Variants in KIF1A observed in about 807,000 individuals in gnomAD.
KIF1A encodes kinesin-like protein KIF1A.
KIF1A carries 46 observed loss-of-function variants against 227.3 expected under a neutral mutation model. The observed-to-expected ratio is 0.20, with a 90% confidence interval of 0.16 to 0.26. The LOEUF (loss-of-function observed/expected upper bound fraction) is 0.26, where lower values mean the gene tolerates loss of function less well. Among genes scored for constraint, KIF1A ranks in the 10% least tolerant of loss-of-function variants. The pLI is 1.00. For missense variants in KIF1A, 1,683 were observed against 2,485.9 expected (o/e 0.68, Z 6.87); for synonymous variants, 1,022 against 1,012.8 (o/e 1.01, Z -0.17).
chr2:240,763,063 G>C lies in KIF1A; in HGVS notation c.1978C>G (p.Arg660Gly), dbSNP rs755461108. The change falls in exon 22 of 49, where the codon CGC becomes GGC. Residue 660 changes from arginine to glycine, a missense_variant. By Grantham distance (125) the Arg-to-Gly change is moderately radical. Coordinates refer to ENST00000498729, the MANE Select transcript of KIF1A (RefSeq NM_001244008.2). Reference sequence around the variant, plus strand: ...AGGTAGGTGGCCTCCTCCCGCTCGCGGCGGTACTGGTCCTCCAGTTCCTGG... The same window carrying C: ...AGGTAGGTGGCCTCCTCCCGCTCGCCGCGGTACTGGTCCTCCAGTTCCTGG... Reference protein sequence around the residue: ...RLQELEDQYRREREEATYLLE... With the variant: ...RLQELEDQYRGEREEATYLLE... 2.6e-6 allele frequency: 4 copies of C among 1,560,600 alleles called. No individual in the cohort carries two copies. The highest frequency in any genetic ancestry group is 3.5e-6 in the Non-Finnish European group (4 of 1,155,278).
intron 9 of KIF1A, 147 bp downstream of exon 9, chr2:240,782,897 C>T: frequency 1.4e-6 from 1 of 739,720 alleles, no homozygotes. Flanking sequence ...CCTTCTCCAG[C>T]ATGTGACACT....
In KIF1A at chr2:240,813,417, C is replaced by G. The variant is rs1030715575; in HGVS notation, c.-61+6705G>C. 2.6e-5 allele frequency among the ~76,000 whole-genome samples: 4 copies of G among 152,314 alleles called. No homozygotes were observed. In the South Asian group the frequency reaches 8.3e-4, roughly 32 times the overall value. Reference sequence around the variant, plus strand: ...AGGGGCTCAGGCATGGGAACTCAGGCACCTGGTGGAAGGCAGGGGTGAGAA... The same window carrying G: ...AGGGGCTCAGGCATGGGAACTCAGGGACCTGGTGGAAGGCAGGGGTGAGAA... On this transcript the variant is annotated intron_variant, in intron 1 of 48. Coordinates refer to ENST00000498729, the MANE Select transcript of KIF1A (RefSeq NM_001244008.2).
chr2:240,794,799 C>T (rs182711982), intron 2 of KIF1A, among the ~76,000 whole-genome samples: 3 of 152,316 alleles, frequency 2.0e-5, no homozygotes, highest in East Asian at 3.9e-4. Context: ...CACAACCTGC[C>T]TTTTGCTTGC....
intron 2 of KIF1A, among the ~76,000 whole-genome samples, chr2:240,796,067 A>T (rs1284103398): frequency 6.6e-6 from 1 of 152,164 alleles, no homozygotes; most frequent in African/African-American, 2.4e-5. Flanking sequence ...CCTTACAATG[A>T]CACAGCAAAG....
Position 240,807,076 on chromosome 2 carries a change from ATATGTG to A in KIF1A, c.-60-9270_-60-9265del, listed in dbSNP as rs1188956754. On this transcript the variant is annotated intron_variant, in intron 1 of 48. Coordinates refer to ENST00000498729, the MANE Select transcript of KIF1A (RefSeq NM_001244008.2). Reference sequence around the variant, plus strand: ...GCATTTGACCTACACATCCTCATATATATGTGTGTGTGTGTGTGTGTGTGTGTGTGT... The same window carrying A: ...GCATTTGACCTACACATCCTCATATATGTGTGTGTGTGTGTGTGTGTGTGT... Among the ~76,000 whole-genome samples, 315 of 73,006 alleles carry A rather than the reference ATATGTG, an allele frequency of 4.3e-3. 2 individuals are homozygous for A. The highest frequency in any genetic ancestry group is 0.023 in the African/African-American group (295 of 12,812). 47.9% of individuals were successfully genotyped at this position (73,006 alleles called of 152,430 possible).
At chr2:240,750,609 G>T in intron 27 of KIF1A, 62 bp from the exon 28 acceptor site, 7 of 1,231,158 alleles carry the variant, frequency 5.7e-6, no homozygotes, top group South Asian at 3.8e-5. Context: ...GAACGGCAGC[G>T]GTGGCAGCAT....
At chr2:240,769,345 C>T in intron 16 of KIF1A, 137 bp from the exon 17 acceptor site, 1 of 733,148 alleles carries the variant, frequency 1.4e-6, no homozygotes, top group East Asian at 2.7e-5. Flanking sequence ...CATCTGGTCA[C>T]TGGGTTAGGG....
chr2:240,816,812 G>A (rs1309665434), intron 1 of KIF1A, among the ~76,000 whole-genome samples: 2 of 152,232 alleles, frequency 1.3e-5, no homozygotes, highest in African/African-American at 2.4e-5. Flanking sequence ...GGCAGGATGG[G>A]CTGGCAAGGA....
chr2:240,735,690 G>A (rs78871545), intron 38 of KIF1A, among the ~76,000 whole-genome samples: 5,690 of 152,198 alleles, frequency 0.037, 384 homozygotes, highest in African/African-American at 0.13. Flanking sequence ...GGCAGCGCCC[G>A]TGCTGGGGGC....
At chr2:240,804,092 C>A in intron 1 of KIF1A, among the ~76,000 whole-genome samples, 1 of 152,154 alleles carries the variant, frequency 6.6e-6, no homozygotes, top group South Asian at 2.1e-4. Flanking sequence ...ACGGTGAAAC[C>A]CCATCTCTAC....
chr2:240,724,174 C>A, intron 40 of KIF1A, 138 bp from the exon 41 acceptor site: 2 of 749,126 alleles, frequency 2.7e-6, no homozygotes, highest in East Asian at 2.6e-5. Flanking sequence ...GGTCCCTGAG[C>A]TACAGCCCCT....
intron 10 of KIF1A, chr2:240,781,826 T>A (rs1306375226): frequency 2.0e-6 from 2 of 985,056 alleles, no homozygotes; most frequent in Admixed American, 1.2e-4. Flanking sequence ...TCTCCACAGT[T>A]CCCCACTCAG....
intron 8 of KIF1A, 43 bp from the exon 9 acceptor site, chr2:240,783,152 G>C: frequency 6.7e-7 from 1 of 1,488,128 alleles, no homozygotes; most frequent in South Asian, 1.1e-5. Flanking sequence ...CTGGGGACCC[G>C]TGGGGCCTCC....
Position 240,757,244 on chromosome 2 carries a change from C to G in KIF1A, c.2858+75G>C. 7.0e-7 allele frequency: 1 copy of G among 1,419,662 alleles called. No homozygotes were observed. The allele number at this position is 1,419,662 out of a possible 1,614,324, so 87.9% of individuals were successfully genotyped here. On this transcript the variant is annotated intron_variant, in intron 27 of 48. Coordinates refer to ENST00000498729, the MANE Select transcript of KIF1A (RefSeq NM_001244008.2). The surrounding 1 kb of genome is among the most constrained non-coding windows in gnomAD (Gnocchi z 6.2). ...GGGCCCGGGCCAGGCCCCAGCGGTT[C>G]CTCTGTGCCCGCAGCAGTGCTCCTG... is the stretch of plus-strand genomic sequence containing the variant.
At chr2:240,759,509 T>C (rs1013315357) in intron 25 of KIF1A, among the ~76,000 whole-genome samples, 1 of 152,182 alleles carries the variant, frequency 6.6e-6, no homozygotes, top group Non-Finnish European at 1.5e-5. Flanking sequence ...AAGCCTAAGC[T>C]GTCTCCCTGC....
intron 42 of KIF1A, 87 bp from the exon 43 acceptor site, chr2:240,722,743 T>C: frequency 9.0e-7 from 1 of 1,114,698 alleles, no homozygotes; most frequent in Non-Finnish European, 1.2e-6. Flanking sequence ...CATGACCCTC[T>C]GGGCAGACCC....
At chr2:240,761,471 C>T in intron 23 of KIF1A, 94 bp from the exon 24 acceptor site, 1 of 1,238,702 alleles carries the variant, frequency 8.1e-7, no homozygotes, top group Non-Finnish European at 1.1e-6. Flanking sequence ...TCGGCCACTC[C>T]ATGGGGCTGC....
chr2:240,796,591 T>G (rs1035148119), intron 2 of KIF1A, among the ~76,000 whole-genome samples: 4 of 152,142 alleles, frequency 2.6e-5, no homozygotes, highest in African/African-American at 9.7e-5. Flanking sequence ...CAATTCACCA[T>G]GAAGAACAGT....
At chr2:240,747,722 T>G (rs1272134352) in intron 28 of KIF1A, among the ~76,000 whole-genome samples, 1 of 152,206 alleles carries the variant, frequency 6.6e-6, no homozygotes, top group African/African-American at 2.4e-5. Context: ...TGCCACCATC[T>G]GGGTGAAGCT....
Sources: gnomAD v4.1 joint callset for allele counts (sites outside exome capture counted in the v4.1 genomes callset) on GRCh38, gnomAD v4.1.1 for gene constraint, Gnocchi (gnomAD v3.1) non-coding constraint, MANE v1.5 for transcripts, NCBI Gene and HGNC (gene_info 2026-07-23, HGNC 2026-07-21) for gene names.